Variants in RSPH14 observed in about 807,000 individuals in gnomAD.
RSPH14 encodes the protein radial spoke head 14 homolog, also known as rhabdoid tumor deletion region gene 1.
In RSPH14, 20 loss-of-function variants were observed where a neutral mutation model predicts 26.7. The ratio of observed to expected loss-of-function variants is 0.75; its 90% CI spans 0.53 to 1.09. RSPH14 has a LOEUF of 1.09. RSPH14 is among the 50% of genes least tolerant of loss of function. The pLI, the probability that RSPH14 is intolerant of heterozygous loss-of-function variation, is 0.00. For missense variants in RSPH14, 449 were observed against 457.2 expected (o/e 0.98, Z 0.16); for synonymous variants, 177 against 189.3 (o/e 0.93, Z 0.53).
the RSPH14 span, among the ~76,000 whole-genome samples, chr22:23,160,526 G>A: frequency 2.6e-5 from 4 of 152,234 alleles, no homozygotes; most frequent in African/African-American, 4.8e-5. Flanking sequence ...GCACATATCT[G>A]TCCTGAGTTC....
the RSPH14 span, chr22:23,164,477 C>T: frequency 6.6e-6 from 1 of 152,202 alleles, no homozygotes; most frequent in Non-Finnish European, 1.5e-5. Context: ...CAGTTGTCCC[C>T]CCACCCCAAG....
chr22:23,073,209 T>C (rs541252110), intron 4 of RSPH14, among the ~76,000 whole-genome samples: 162 of 152,354 alleles, frequency 1.1e-3, no homozygotes, highest in African/African-American at 3.7e-3. Flanking sequence ...CAGGTCAGCA[T>C]GCTGCTCTCC....
At chr22:23,154,239 C>T in the RSPH14 span, among the ~76,000 whole-genome samples, 2 of 152,156 alleles carry the variant, frequency 1.3e-5, no homozygotes, top group Non-Finnish European at 2.9e-5. Context: ...TGGCTAGCCC[C>T]GCCCCCCTCC....
chr22:23,109,993 A>G (rs1601818916), intron 4 of RSPH14, among the ~76,000 whole-genome samples: 1 of 152,150 alleles, frequency 6.6e-6, no homozygotes, highest in Admixed American at 6.5e-5. Flanking sequence ...CAATTCTCCA[A>G]TCTGTCAAGG....
At chr22:23,105,502 C>T (rs1319609375) in intron 4 of RSPH14, among the ~76,000 whole-genome samples, 1 of 152,224 alleles carries the variant, frequency 6.6e-6, no homozygotes, top group African/African-American at 2.4e-5. Flanking sequence ...AGGTGTGGGT[C>T]CGAGGCTGCA....
At chr22:23,169,317 TTGATAGATGACAGA>T in the RSPH14 span, among the ~76,000 whole-genome samples, 1 of 152,266 alleles carries the variant, frequency 6.6e-6, no homozygotes, top group Middle Eastern at 3.4e-3. Flanking sequence ...CTCCCTATGG[TTGATAGATGACAGA>T]TGATGGATGA....
At chr22:23,127,931 G>A (rs969599268) in intron 4 of RSPH14, among the ~76,000 whole-genome samples, 16 of 152,050 alleles carry the variant, frequency 1.1e-4, no homozygotes, top group Non-Finnish European at 1.6e-4. Context: ...TCCTCCTCTC[G>A]GGCTGGTGCT....
intron 4 of RSPH14, among the ~76,000 whole-genome samples, chr22:23,101,138 T>C (rs568747379): frequency 2.6e-5 from 4 of 152,282 alleles, no homozygotes; most frequent in South Asian, 2.1e-4. Flanking sequence ...CTCCCCAGCA[T>C]ACCAGGGCTT....
chr22:23,166,137 C>A, the RSPH14 span, among the ~76,000 whole-genome samples: 1 of 97,764 alleles, frequency 1.0e-5, no homozygotes. Context: ...CGGAGTGAGA[C>A]TCTGTCTTTT....
intron 4 of RSPH14, among the ~76,000 whole-genome samples, chr22:23,108,191 C>T (rs757403884): frequency 2.0e-5 from 3 of 152,250 alleles, no homozygotes; most frequent in South Asian, 2.1e-4. Context: ...CCACACCAAA[C>T]GCCTGCAGCA....
chr22:23,159,140 TCAA>T, the RSPH14 span: 1 of 1,609,148 alleles, frequency 6.2e-7, no homozygotes, highest in Non-Finnish European at 8.5e-7. Context: ...GGACGCTGGG[TCAA>T]CAAGGGCCAT....
intron 4 of RSPH14, among the ~76,000 whole-genome samples, chr22:23,117,824 C>G (rs2069895431): frequency 6.6e-6 from 1 of 152,256 alleles, no homozygotes; most frequent in Admixed American, 6.5e-5. Context: ...CCAGGGACAT[C>G]TGCCCCTTTG....
At chr22:23,161,386 C>A in the RSPH14 span, 1 of 981,998 alleles carries the variant, frequency 1.0e-6, no homozygotes, top group Non-Finnish European at 1.6e-6. Flanking sequence ...AGGCCTTGAA[C>A]AGCAGGCCCA....
At chr22:23,091,959 C>T (rs58292434) in intron 4 of RSPH14, among the ~76,000 whole-genome samples, 5,181 of 152,238 alleles carry the variant, frequency 0.034, 307 homozygotes, top group African/African-American at 0.12. Context: ...CATCCCCACA[C>T]ACCGCAGGGC....
At chr22:23,141,871 C>A in intron 1 of RSPH14, 78 bp downstream of exon 1, 1 of 552,168 alleles carries the variant, frequency 1.8e-6, no homozygotes, top group East Asian at 1.5e-4. Flanking sequence ...TGTGGGGACA[C>A]GGCCCCGTGT....
rs73168820 is a variant in RSPH14, at chr22:23,126,082, C to T, written c.421+7944G>A. ...GGGGCTTTTGTTTCTGAAGAAATAACGTGTGACTTAAAATCGTTGAGACTT... is the reference window on the plus strand; with the variant it reads ...GGGGCTTTTGTTTCTGAAGAAATAATGTGTGACTTAAAATCGTTGAGACTT... On this transcript the variant is annotated intron_variant, in intron 4 of 6. Coordinates refer to ENST00000216036, the MANE Select transcript of RSPH14 (RefSeq NM_014433.3). 1.8e-3 allele frequency among the ~76,000 whole-genome samples: 271 copies of T among 152,320 alleles called. 1 individual carries two copies. Among genetic ancestry groups the T allele is most frequent in the Non-Finnish European group, 3.3e-3 (222 of 68,008 alleles).
chr22:23,150,304 CTT>C, the RSPH14 span: 7,906 of 426,260 alleles, frequency 0.019, no homozygotes, highest in Middle Eastern at 0.027. Flanking sequence ...TTTTTTTTTT[CTT>C]TTTTTTTTTT....
chr22:23,108,491 C>G (rs1378276504), intron 4 of RSPH14, among the ~76,000 whole-genome samples: 1 of 152,206 alleles, frequency 6.6e-6, no homozygotes, highest in Non-Finnish European at 1.5e-5. Flanking sequence ...CAGGAGACAG[C>G]CGGGAGAGGC....
chr22:23,085,671 T>C (rs1303089956), intron 4 of RSPH14, among the ~76,000 whole-genome samples: 1 of 152,180 alleles, frequency 6.6e-6, no homozygotes, highest in Non-Finnish European at 1.5e-5. Context: ...TCAACACCAG[T>C]ACCAGTGCCT....
Sources: allele counts gnomAD v4.1 joint callset (sites outside exome capture counted in the v4.1 genomes callset), GRCh38; gene constraint gnomAD v4.1.1; transcripts MANE v1.5; gene names NCBI Gene and HGNC (gene_info 2026-07-23, HGNC 2026-07-21).